The following FAT3 variants were observed in gnomAD, a reference collection of about 807,000 sequenced individuals.
FAT3 encodes FAT atypical cadherin 3.
FAT3 carries 95 observed loss-of-function variants against 310.2 expected under a neutral mutation model. The observed-to-expected ratio is 0.31, with a 90% CI of 0.26 to 0.36. The LOEUF (loss-of-function observed/expected upper bound fraction) is 0.36, where lower values mean the gene tolerates loss of function less well. Ranked by LOEUF, FAT3 falls within the 10% of genes least tolerant of loss-of-function variation. FAT3 has a pLI of 1.00. For missense variants in FAT3, 5,408 were observed against 5,715.6 expected, an observed-to-expected ratio of 0.95 and a Z score of 1.74; for synonymous variants, 2,314 against 2,192.9, an observed-to-expected ratio of 1.06 and a Z score of -1.54.
chr11:92,707,235 C>T (rs1049209580), intron 4 of FAT3, among the ~76,000 whole-genome samples: 2 of 152,220 alleles, frequency 1.3e-5, no homozygotes, highest in Admixed American at 6.5e-5. Flanking sequence ...GAGGTCCTTC[C>T]ACCCAGTGGC....
intron 1 of FAT3, among the ~76,000 whole-genome samples, chr11:92,246,095 A>G (rs368797754): frequency 1.1e-4 from 17 of 152,160 alleles, no homozygotes; most frequent in Middle Eastern, 3.4e-3. Flanking sequence ...AGCAATTTCA[A>G]TGGATGTGGG....
intron 1 of FAT3, among the ~76,000 whole-genome samples, chr11:92,266,521 C>T (rs1238986328): frequency 6.6e-6 from 1 of 152,072 alleles, no homozygotes; most frequent in African/African-American, 2.4e-5. Flanking sequence ...GTTTTCATTC[C>T]TTTTATTAAT....
chr11:92,624,989 A>G (rs1941259897), intron 3 of FAT3, among the ~76,000 whole-genome samples: 1 of 152,160 alleles, frequency 6.6e-6, no homozygotes, highest in Non-Finnish European at 1.5e-5. Context: ...TTAGAACACC[A>G]GTAATATTGG....
At chr11:92,339,590 C>G (rs890425179) in intron 1 of FAT3, among the ~76,000 whole-genome samples, 8 of 152,128 alleles carry the variant, frequency 5.3e-5, no homozygotes, top group African/African-American at 1.7e-4. Flanking sequence ...TCTGTGTGCT[C>G]TGAGGACACA....
intron 1 of FAT3, among the ~76,000 whole-genome samples, chr11:92,326,607 A>T (rs1433023328): frequency 6.6e-6 from 1 of 152,230 alleles, no homozygotes; most frequent in Non-Finnish European, 1.5e-5. Flanking sequence ...TGGATATAAT[A>T]GATGTGACCT....
intron 4 of FAT3, among the ~76,000 whole-genome samples, chr11:92,761,383 G>A (rs1439764373): frequency 6.6e-6 from 1 of 152,120 alleles, no homozygotes; most frequent in Non-Finnish European, 1.5e-5. Flanking sequence ...TAATACTATT[G>A]CATTGGAAAT....
Position 92,662,226 on chromosome 11 carries a change from A to G in FAT3, c.3608-35158A>G, listed in dbSNP as rs535529659. Among the ~76,000 whole-genome samples the G allele has an allele frequency of 4.9e-4, 74 of 152,326 alleles. No individual in the cohort carries two copies. The South Asian group carries it at 0.015, about 30-fold the overall frequency. ...AACAGGGCATATTATGCCAGGAGCC[A>G]TTATCAGGAGCAGGCACAAGTAAGA... On this transcript the variant is annotated intron_variant, in intron 3 of 27. Coordinates refer to ENST00000525166, the MANE Select transcript of FAT3 (RefSeq NM_001367949.2).
chr11:92,327,707 G>T (rs1240307835), intron 1 of FAT3, among the ~76,000 whole-genome samples: 2 of 152,082 alleles, frequency 1.3e-5, no homozygotes, highest in Admixed American at 6.6e-5. Context: ...GAAAGCTCCG[G>T]GTCCCATCCA....
At chr11:92,616,610 G>T (rs1479711473) in intron 3 of FAT3, among the ~76,000 whole-genome samples, 1 of 152,166 alleles carries the variant, frequency 6.6e-6, no homozygotes, top group Non-Finnish European at 1.5e-5. Flanking sequence ...TGCAGTAGCT[G>T]GTACCGGTTG....
At chr11:92,378,626 A>G (rs1179353868) in intron 2 of FAT3, among the ~76,000 whole-genome samples, 3 of 152,120 alleles carry the variant, frequency 2.0e-5, no homozygotes, top group Admixed American at 6.5e-5. Flanking sequence ...TTTTTATTTT[A>G]TATGCATTGA....
chr11:92,837,134 C>G (rs142010470), intron 16 of FAT3, among the ~76,000 whole-genome samples: 1 of 152,128 alleles, frequency 6.6e-6, no homozygotes, highest in South Asian at 2.1e-4. Context: ...AGTTTCTAAA[C>G]ATTGTCTTTC....
intron 3 of FAT3, among the ~76,000 whole-genome samples, chr11:92,643,642 A>G (rs1350742031): frequency 3.3e-5 from 5 of 152,234 alleles, no homozygotes; most frequent in African/African-American, 1.2e-4. Context: ...ACAAGGAGAT[A>G]TATACACTCA....
At chr11:92,789,722 G>C (rs1946987032) in intron 7 of FAT3, among the ~76,000 whole-genome samples, 2 of 152,092 alleles carry the variant, frequency 1.3e-5, no homozygotes, top group Non-Finnish European at 2.9e-5. Context: ...TGAGAATATT[G>C]GTCAGCTCAT....
At chr11:92,371,098 G>A (rs1215678073) in intron 2 of FAT3, among the ~76,000 whole-genome samples, 1 of 152,180 alleles carries the variant, frequency 6.6e-6, no homozygotes, top group Non-Finnish European at 1.5e-5. Flanking sequence ...GCAAAAGATG[G>A]TCATACTTAC....
chr11:92,648,553 G>A (rs1942248784), intron 3 of FAT3, among the ~76,000 whole-genome samples: 1 of 152,124 alleles, frequency 6.6e-6, no homozygotes. Context: ...GAACAACACT[G>A]CAGTACCTTC....
intron 7 of FAT3, among the ~76,000 whole-genome samples, chr11:92,781,462 C>T (rs1300861507): frequency 2.0e-5 from 3 of 152,104 alleles, no homozygotes; most frequent in African/African-American, 7.2e-5. Flanking sequence ...GAGGCACAGA[C>T]TGCTTAGGTG....
intron 3 of FAT3, among the ~76,000 whole-genome samples, chr11:92,564,988 A>G (rs1001249192): frequency 6.9e-6 from 1 of 145,536 alleles, no homozygotes; most frequent in African/African-American, 2.5e-5. Context: ...TAGAGAAGCA[A>G]GAGCGAACAC....
At position 92,272,125 on chromosome 11, in the gene FAT3, T is replaced by C. The variant is rs577534423; in HGVS notation, c.-18+46951T>C. On this transcript the variant is annotated intron_variant, in intron 1 of 27. Transcript: ENST00000525166. ...ATCAAGAAACTCTCTATTATTGATG[T>C]TGTAAAGTTCTGCACACATCAGATG... Among the ~76,000 whole-genome samples the C allele has an allele frequency of 7.9e-5, 12 of 152,176 alleles. No homozygotes were observed. In the South Asian group the frequency reaches 2.1e-3, roughly 26 times the overall value.
chr11:92,773,569 T>C (rs1203530576), intron 6 of FAT3, among the ~76,000 whole-genome samples: 2 of 152,188 alleles, frequency 1.3e-5, no homozygotes, highest in East Asian at 3.8e-4. Flanking sequence ...ATTAAGGGAA[T>C]CTGAATTCTA....
Sources: allele counts gnomAD v4.1 joint callset (sites outside exome capture counted in the v4.1 genomes callset), GRCh38; gene constraint gnomAD v4.1.1; transcripts MANE v1.5; gene names NCBI Gene and HGNC (gene_info 2026-07-23, HGNC 2026-07-21).